The following KLF12 variants were observed in gnomAD, a reference collection of about 807,000 sequenced individuals.
KLF12 encodes Krueppel-like factor 12.
A neutral mutation model predicts 37.8 loss-of-function variants in KLF12; 9 were observed. The ratio of observed to expected loss-of-function variants is 0.24; its 90% confidence interval spans 0.14 to 0.42. The LOEUF is 0.42. KLF12 is among the 10% of genes least tolerant of loss of function. The pLI, the probability that KLF12 is intolerant of heterozygous loss-of-function variation, is 1.00. For missense variants in KLF12, 411 were observed against 516.0 expected (o/e 0.80, Z 1.97); for synonymous variants, 208 against 202.1 (o/e 1.03, Z -0.25).
intron 3 of KLF12, among the ~76,000 whole-genome samples, chr13:73,909,750 C>T (rs566959569): frequency 1.4e-4 from 21 of 152,258 alleles, no homozygotes; most frequent in South Asian, 6.2e-4. Flanking sequence ...TTTTTATAGG[C>T]GCATTTAAAT....
chr13:74,294,462 G>C, the KLF12 span, among the ~76,000 whole-genome samples: 1 of 152,020 alleles, frequency 6.6e-6, no homozygotes, highest in Non-Finnish European at 1.5e-5. Context: ...TCTGCCCCCT[G>C]GGTTCAAGTG....
Position 74,132,131 on chromosome 13 carries a change from A to AG in KLF12, c.-32+1607dup, listed in dbSNP as rs35690576. Among the ~76,000 whole-genome samples the AG allele has an allele frequency of 1.6e-4, 25 of 152,034 alleles. 1 individual carries two copies. Among genetic ancestry groups the AG allele is most frequent in the South Asian group, 6.2e-4 (3 of 4,806 alleles). On this transcript the variant is annotated intron_variant, in intron 1 of 7. Coordinates refer to ENST00000377669, the MANE Select transcript of KLF12 (RefSeq NM_007249.5). ...ACAAGCAAGCTTTTTTCCTTGAGGG[A>AG]GGGGGGGTCCACTGTTTTAAATAAA...
intron 5 of KLF12, among the ~76,000 whole-genome samples, chr13:73,804,001 AAACCCACTGGTGGGT>A (rs2138363721): frequency 6.6e-6 from 1 of 152,242 alleles, no homozygotes; most frequent in South Asian, 2.1e-4. Flanking sequence ...TTTCCACTTA[AAACCCACTGGTGGGT>A]TGGGTTCATA....
At chr13:73,983,826 C>T (rs1312268212) in intron 2 of KLF12, among the ~76,000 whole-genome samples, 2 of 152,178 alleles carry the variant, frequency 1.3e-5, no homozygotes, top group Admixed American at 1.3e-4. Flanking sequence ...ACAGCAGTAA[C>T]TGAGTCAAGT....
At chr13:73,828,841 T>C (rs1035836348) in intron 4 of KLF12, among the ~76,000 whole-genome samples, 1 of 152,204 alleles carries the variant, frequency 6.6e-6, no homozygotes, top group Non-Finnish European at 1.5e-5. Flanking sequence ...TACCAACTTA[T>C]CTACTTGTCG....
chr13:74,135,196 A>G (rs1878500521), upstream of KLF12, among the ~76,000 whole-genome samples: 2 of 151,864 alleles, frequency 1.3e-5, no homozygotes, highest in African/African-American at 4.8e-5. Flanking sequence ...GGCGAGGCGG[A>G]GATGCGCGCC....
the KLF12 span, among the ~76,000 whole-genome samples, chr13:74,245,220 G>A: frequency 6.6e-6 from 1 of 152,156 alleles, no homozygotes; most frequent in African/African-American, 2.4e-5. Context: ...GAACGTTTGT[G>A]ATGAATTTGG....
At chr13:73,940,875 T>A (rs950788626) in intron 3 of KLF12, among the ~76,000 whole-genome samples, 2 of 152,094 alleles carry the variant, frequency 1.3e-5, no homozygotes, top group African/African-American at 4.8e-5. Context: ...TGAAATGTGC[T>A]CCTCAGGTCC....
the KLF12 span, among the ~76,000 whole-genome samples, chr13:74,225,255 A>G: frequency 1.6e-3 from 242 of 152,256 alleles, no homozygotes; most frequent in African/African-American, 5.5e-3. Flanking sequence ...CAAAGCTTCA[A>G]TTACCACCTC....
intron 5 of KLF12, among the ~76,000 whole-genome samples, chr13:73,796,034 C>A (rs1881942547): frequency 6.6e-6 from 1 of 152,158 alleles, no homozygotes; most frequent in Non-Finnish European, 1.5e-5. Context: ...CTACATCAAT[C>A]TATCCAGATA....
At chr13:73,838,998 A>G (rs533764142) in intron 4 of KLF12, among the ~76,000 whole-genome samples, 2 of 152,122 alleles carry the variant, frequency 1.3e-5, no homozygotes, top group Non-Finnish European at 2.9e-5. Context: ...CCAGGCATCA[A>G]GGTTACCATC....
chr13:74,151,527 C>T, the KLF12 span, among the ~76,000 whole-genome samples: 3 of 152,142 alleles, frequency 2.0e-5, no homozygotes, highest in East Asian at 3.9e-4. Flanking sequence ...GTGGTGCACA[C>T]CTGTAGTTCC....
chr13:74,232,146 G>T, the KLF12 span, among the ~76,000 whole-genome samples: 344 of 152,218 alleles, frequency 2.3e-3, 3 homozygotes, highest in African/African-American at 7.6e-3. Context: ...AAGAGGTTGT[G>T]GGACAGTGTG....
At chr13:73,720,751 T>C (rs1876178827) in intron 6 of KLF12, among the ~76,000 whole-genome samples, 1 of 152,132 alleles carries the variant, frequency 6.6e-6, no homozygotes, top group Non-Finnish European at 1.5e-5. Context: ...TCTATTTAAA[T>C]GGAAGGCGCC....
intron 3 of KLF12, among the ~76,000 whole-genome samples, chr13:73,940,136 A>C (rs1890125114): frequency 6.6e-6 from 1 of 151,956 alleles, no homozygotes; most frequent in Non-Finnish European, 1.5e-5. Context: ...TAGTTCTAAT[A>C]CTCTTCTTGT....
chr13:74,230,645 A>G, the KLF12 span, among the ~76,000 whole-genome samples: 1 of 152,180 alleles, frequency 6.6e-6, no homozygotes, highest in African/African-American at 2.4e-5. Flanking sequence ...ATGGAGGCAG[A>G]GGATTGTCTC....
At chr13:74,152,378 C>T in the KLF12 span, among the ~76,000 whole-genome samples, 3 of 152,132 alleles carry the variant, frequency 2.0e-5, no homozygotes, top group African/African-American at 7.2e-5. Context: ...GAGTACTCCC[C>T]TCTCAAACAT....
chr13:73,885,992 ATTGAG>A (rs771012698), intron 3 of KLF12, among the ~76,000 whole-genome samples: 7 of 152,192 alleles, frequency 4.6e-5, no homozygotes, highest in South Asian at 2.1e-4. Flanking sequence ...GGTGTTACTT[ATTGAG>A]TTATTTCAGG....
the KLF12 span, among the ~76,000 whole-genome samples, chr13:74,157,932 T>C: frequency 3.3e-5 from 5 of 152,216 alleles, no homozygotes; most frequent in African/African-American, 1.2e-4. Context: ...TCGCAGAGTA[T>C]CTCTCCTCCT....
Sources: allele counts gnomAD v4.1 joint callset (sites outside exome capture counted in the v4.1 genomes callset), GRCh38; gene constraint gnomAD v4.1.1; transcripts MANE v1.5; gene names NCBI Gene and HGNC (gene_info 2026-07-23, HGNC 2026-07-21).